Variants in BAIAP2L2 observed in about 807,000 individuals in gnomAD.
The protein encoded by BAIAP2L2 is BAR/IMD domain-containing adapter protein 2-like 2.
A neutral mutation model predicts 60.4 loss-of-function variants in BAIAP2L2; 65 were observed. That is an observed-to-expected ratio of 1.08 (90% confidence interval 0.88 to 1.32). The LOEUF (loss-of-function observed/expected upper bound fraction) is 1.32. Among genes scored for constraint, BAIAP2L2 ranks in the 40% most tolerant of loss-of-function variants. The pLI is 0.00. For synonymous variants in BAIAP2L2, 344 were observed against 301.7 expected, an observed-to-expected ratio of 1.14 and a Z score of -1.45; for missense variants, 836 against 741.2, an observed-to-expected ratio of 1.13 and a Z score of -1.48.
intron 7 of BAIAP2L2, among the ~76,000 whole-genome samples, chr22:38,092,200 A>C (rs2086320694): frequency 6.6e-6 from 1 of 152,380 alleles, no homozygotes; most frequent in African/African-American, 2.4e-5. Context: ...AGCAAAGACT[A>C]ATTAGCGAAG....
At chr22:38,088,985 C>T (rs1291118646) in intron 9 of BAIAP2L2, 21 bp from the exon 10 acceptor site, 2 of 1,484,640 alleles carry the variant, frequency 1.3e-6, no homozygotes, top group Admixed American at 2.2e-5. Flanking sequence ...GAGAGCGCGG[C>T]GGCACGTGGG....
At chr22:38,085,790 C>T (rs1569213838) in intron 12 of BAIAP2L2, 58 bp from the exon 13 acceptor site, 3 of 1,451,086 alleles carry the variant, frequency 2.1e-6, no homozygotes, top group Non-Finnish European at 2.8e-6. Flanking sequence ...CAATCCCTTG[C>T]TCCTCCCCTC....
At chr22:38,109,766 G>A (rs1454079389) in intron 1 of BAIAP2L2, among the ~76,000 whole-genome samples, 1 of 152,014 alleles carries the variant, frequency 6.6e-6, no homozygotes, top group Non-Finnish European at 1.5e-5. Flanking sequence ...CCTGGACTTG[G>A]GCCTGGACTT....
intron 10 of BAIAP2L2, 144 bp downstream of exon 10, chr22:38,088,604 G>T: frequency 1.3e-6 from 1 of 766,700 alleles, no homozygotes; most frequent in Non-Finnish European, 2.0e-6. Flanking sequence ...AACTGAGGCA[G>T]GGTGCGGGGG....
Position 38,097,108 on chromosome 22 carries a change from T to C in BAIAP2L2, c.536A>G (p.Glu179Gly). The C allele has an allele frequency of 6.2e-7, 1 of 1,614,024 alleles. No individual in the cohort carries two copies. The highest frequency in any genetic ancestry group is 1.1e-5 in the South Asian group (1 of 91,086). Residue 179 changes from glutamate (E) to glycine (G), a missense_variant, in exon 7 of 14, where the codon GAA (glutamate) becomes GGA (glycine). By Grantham distance (98) the Glu-to-Gly change is moderately conservative. Coordinates refer to ENST00000381669, the MANE Select transcript of BAIAP2L2 (RefSeq NM_025045.6). ...VSESQRAAEL[E>G]EKRRYRFLAE... ...TAGGAAGCGATAGCGCCGCTTCTCT[T>C]CCAATTCAGCCGCCCGCTGACTCTC... is the stretch of plus-strand genomic sequence containing the variant.
chr22:38,097,229 A>G, intron 6 of BAIAP2L2, 51 bp from the exon 7 acceptor site: 1 of 1,574,510 alleles, frequency 6.4e-7, no homozygotes, highest in Non-Finnish European at 8.7e-7. Context: ...GTCTCATCCC[A>G]CCCCCCTCGC....
chr22:38,099,313 C>G (rs2086515854), intron 4 of BAIAP2L2, among the ~76,000 whole-genome samples: 1 of 152,058 alleles, frequency 6.6e-6, no homozygotes, highest in African/African-American at 2.4e-5. Context: ...GTGGGTGGAT[C>G]ACCTGAGGCC....
At chr22:38,095,614 C>T (rs1569224221) in intron 7 of BAIAP2L2, among the ~76,000 whole-genome samples, 1 of 152,190 alleles carries the variant, frequency 6.6e-6, no homozygotes, top group African/African-American at 2.4e-5. Context: ...ATCCACCCAC[C>T]TCGCGCTCCC....
intron 5 of BAIAP2L2, 101 bp from the exon 6 acceptor site, chr22:38,098,280 C>A: frequency 6.8e-7 from 1 of 1,475,794 alleles, no homozygotes; most frequent in South Asian, 1.2e-5. Context: ...AGACTTGGGG[C>A]TCAGCTGGGA....
intron 2 of BAIAP2L2, among the ~76,000 whole-genome samples, chr22:38,108,799 T>C (rs12159881): frequency 6.6e-6 from 1 of 151,738 alleles, no homozygotes; most frequent in African/African-American, 2.4e-5. Flanking sequence ...GCTGGTGGCA[T>C]CCAGGTGACG....
Position 38,110,655 on chromosome 22 carries a change from G to A in BAIAP2L2, c.-130C>T, listed in dbSNP as rs2086826715. 1.5e-6 allele frequency: 1 copy of A among 663,860 alleles called. No homozygotes were observed. The highest frequency in any genetic ancestry group is 2.5e-6 in the Non-Finnish European group (1 of 396,772). The allele number at this position is 663,860 out of a possible 1,614,324, so 41.1% of individuals were successfully genotyped here. On this transcript the variant is annotated 5_prime_UTR_variant, in exon 1 of 14. Transcript: ENST00000381669. ...GCGAGGAAGCCTCGGAGAGGGACCT[G>A]GAGATGGAGGCCTGCCTCAGAGGAG...
At chr22:38,104,021 C>T (rs963318258) in intron 4 of BAIAP2L2, among the ~76,000 whole-genome samples, 2 of 152,056 alleles carry the variant, frequency 1.3e-5, no homozygotes, top group African/African-American at 4.8e-5. Flanking sequence ...TTAGTAAAAA[C>T]ATAAAGTTAA....
At chr22:38,107,646 T>C (rs1211166979) in intron 4 of BAIAP2L2, among the ~76,000 whole-genome samples, 2 of 152,152 alleles carry the variant, frequency 1.3e-5, no homozygotes, top group Non-Finnish European at 2.9e-5. Context: ...CTCTATAAAA[T>C]GGAGGCAGAA....
At position 38,109,165 on chromosome 22, in the gene BAIAP2L2, T is replaced by C. The variant is rs1226754924; in HGVS notation, c.95A>G (p.Tyr32Cys). ...QFNPALENLVYLGNNYLRAFH... is the reference protein window; with the variant it reads ...QFNPALENLVCLGNNYLRAFH... ...GGCACGCAGGTAGTTGTTGCCCAGG[T>C]ACACCAGGTTCTCCAGGGCGGGGTT... is the stretch of plus-strand genomic sequence containing the variant. The change falls in exon 2 of 14, where the codon TAC becomes TGC. Residue 32 changes from tyrosine (Y) to cysteine (C), a missense_variant. Physicochemically the swap from Tyr to Cys is radical, Grantham distance 194. Coordinates refer to ENST00000381669, the MANE Select transcript of BAIAP2L2 (RefSeq NM_025045.6). 16 of 1,613,000 alleles carry C rather than the reference T, an allele frequency of 9.9e-6. No homozygotes were observed. Among genetic ancestry groups the C allele is most frequent in the Non-Finnish European group, 1.3e-5 (15 of 1,179,700 alleles).
At chr22:38,109,409 T>C (rs955376330) in intron 1 of BAIAP2L2, among the ~76,000 whole-genome samples, 2 of 152,050 alleles carry the variant, frequency 1.3e-5, no homozygotes, top group Non-Finnish European at 2.9e-5. Context: ...AGCCCATCTT[T>C]TGGGGTCCTG....
At chr22:38,098,303 T>C (rs1394218852) in intron 5 of BAIAP2L2, 108 bp downstream of exon 5, 5 of 1,447,246 alleles carry the variant, frequency 3.5e-6, no homozygotes, top group Non-Finnish European at 3.9e-6. Flanking sequence ...ATGGATAATC[T>C]GGGGCCCAGT....
In BAIAP2L2 at chr22:38,085,853, C is replaced by T. The variant is rs2086049022; in HGVS notation, c.1468-121G>A. 4.9e-6 allele frequency: 5 copies of T among 1,013,842 alleles called. No individual in the cohort carries two copies. The Admixed American group carries it at 9.9e-5, about 20-fold the overall frequency. The allele number at this position is 1,013,842 out of a possible 1,614,324, so 62.8% of individuals were successfully genotyped here. A position where few individuals can be genotyped will look rare whatever the true frequency, so the allele number is the denominator to read the frequency against. On this transcript the variant is annotated intron_variant, in intron 12 of 13. Transcript: ENST00000381669. ...CTGGGCCAGAGAGCCCCTGCCATGC[C>T]AGGCTCCTGGAAAATGAGACCCTGA...
intron 13 of BAIAP2L2, 124 bp downstream of exon 13, chr22:38,085,562 T>C: frequency 7.5e-7 from 1 of 1,337,394 alleles, no homozygotes; most frequent in Non-Finnish European, 1.1e-6. Context: ...TTGCTCAAGC[T>C]GATGTTGAAC....
intron 6 of BAIAP2L2, among the ~76,000 whole-genome samples, chr22:38,097,813 G>C (rs1460582617): frequency 6.6e-6 from 1 of 152,182 alleles, no homozygotes; most frequent in Non-Finnish European, 1.5e-5. Flanking sequence ...TGGGTTTGCA[G>C]GAGAGGCCCG....
Sources: gnomAD v4.1 joint callset for allele counts (sites outside exome capture counted in the v4.1 genomes callset) on GRCh38, gnomAD v4.1.1 for gene constraint, MANE v1.5 for transcripts, NCBI Gene and HGNC (gene_info 2026-07-23, HGNC 2026-07-21) for gene names.